Variants in ZMYM2 observed in about 807,000 individuals in gnomAD.
ZMYM2 encodes zinc finger MYM-type protein 2.
In ZMYM2, 56 loss-of-function variants were observed where a neutral mutation model predicts 162.8. The observed-to-expected ratio is 0.34, with a 90% confidence interval of 0.28 to 0.43. The LOEUF is 0.43. Among genes scored for constraint, ZMYM2 ranks in the 20% least tolerant of loss-of-function variants. ZMYM2 has a pLI of 1.00. For missense variants in ZMYM2, 1,275 were observed against 1,621.8 expected, an observed-to-expected ratio of 0.79 and a Z score of 3.67; for synonymous variants, 510 against 541.6, an observed-to-expected ratio of 0.94 and a Z score of 0.81.
chr13:20,061,223 C>T lies in ZMYM2; in HGVS notation c.2910C>T (p.Asn970=), dbSNP rs748593159. Residue 970 remains asparagine, a splice_region_variant and synonymous_variant, in exon 17 of 25, where the codon AAC becomes AAT. Coordinates refer to ENST00000610343, the MANE Select transcript of ZMYM2 (RefSeq NM_197968.4). ...GGAAAACAGAGACAACCAACATCAACAGTGAGCTACACTAAATTATACCTT... is the reference window on the plus strand; with the variant it reads ...GGAAAACAGAGACAACCAACATCAATAGTGAGCTACACTAAATTATACCTT... ...DEGKTETTNI[N]SVIIETDIIG... 1.6e-5 allele frequency: 26 copies of T among 1,613,162 alleles called. No homozygotes were observed. Among genetic ancestry groups the T allele is most frequent in the Non-Finnish European group, 2.2e-5 (26 of 1,179,624 alleles).
intron 12 of ZMYM2, among the ~76,000 whole-genome samples, chr13:20,050,146 A>ACAAC (rs1566397264): frequency 1.3e-5 from 2 of 151,932 alleles, no homozygotes; most frequent in African/African-American, 4.8e-5. Flanking sequence ...AAGAGTTGTG[A>ACAAC]TATTGCATCA....
chr13:20,012,737 A>G (rs954505169), intron 6 of ZMYM2, among the ~76,000 whole-genome samples: 9 of 152,160 alleles, frequency 5.9e-5, no homozygotes, highest in African/African-American at 1.9e-4. Flanking sequence ...TGAAGGGATT[A>G]TTCTTTCTCT....
intron 9 of ZMYM2, among the ~76,000 whole-genome samples, chr13:20,030,650 G>A (rs1356328526): frequency 2.0e-5 from 3 of 151,988 alleles, no homozygotes; most frequent in Admixed American, 1.3e-4. Flanking sequence ...CGCCCGCCTT[G>A]GCCTCCCAAA....
intron 2 of ZMYM2, among the ~76,000 whole-genome samples, chr13:19,975,864 G>A (rs888589811): frequency 4.1e-5 from 5 of 121,954 alleles, no homozygotes; most frequent in African/African-American, 2.0e-4. Context: ...TTTTTAAAAT[G>A]TATGTATGTA....
upstream of ZMYM2, among the ~76,000 whole-genome samples, chr13:19,957,145 TA>T (rs1038742890): frequency 2.6e-5 from 4 of 152,142 alleles, no homozygotes; most frequent in East Asian, 1.9e-4. Flanking sequence ...CTACTTGATT[TA>T]TTTTTTTTAA....
chr13:19,904,573 TTAA>T, the ZMYM2 span, among the ~76,000 whole-genome samples: 1 of 152,056 alleles, frequency 6.6e-6, no homozygotes, highest in Non-Finnish European at 1.5e-5. Flanking sequence ...AAAATTTTTT[TTAA>T]TAATAATAAT....
the ZMYM2 span, among the ~76,000 whole-genome samples, chr13:19,895,548 G>T: frequency 6.6e-6 from 1 of 151,852 alleles, no homozygotes; most frequent in Admixed American, 6.6e-5. Context: ...GAGGGAGCTA[G>T]CTCTGGTCTC....
At chr13:19,939,020 A>ATTT in the ZMYM2 span, among the ~76,000 whole-genome samples, 5 of 124,140 alleles carry the variant, frequency 4.0e-5, no homozygotes, top group Non-Finnish European at 8.2e-5. Context: ...CTTTGTTGTA[A>ATTT]TTTTTTTTTT....
the ZMYM2 span, among the ~76,000 whole-genome samples, chr13:19,925,953 A>T: frequency 1.3e-5 from 2 of 151,816 alleles, no homozygotes; most frequent in African/African-American, 4.8e-5. Context: ...AAATTTGTAG[A>T]AGATGAAAAT....
intron 12 of ZMYM2, among the ~76,000 whole-genome samples, chr13:20,039,817 G>A (rs1258736125): frequency 6.6e-6 from 1 of 152,116 alleles, no homozygotes; most frequent in Non-Finnish European, 1.5e-5. Context: ...TTTATTGAAA[G>A]CCTTTTCTGC....
At chr13:19,922,800 C>T in the ZMYM2 span, among the ~76,000 whole-genome samples, 1 of 152,016 alleles carries the variant, frequency 6.6e-6, no homozygotes, top group Admixed American at 6.6e-5. Flanking sequence ...GCCGAGATCC[C>T]ACCACTGCAC....
At chr13:19,935,119 T>A in the ZMYM2 span, among the ~76,000 whole-genome samples, 2 of 152,154 alleles carry the variant, frequency 1.3e-5, no homozygotes, top group South Asian at 4.1e-4. Context: ...GAAACTTGTA[T>A]GTCTGATATT....
the ZMYM2 span, among the ~76,000 whole-genome samples, chr13:19,918,063 C>CAAAAGA: frequency 6.6e-6 from 1 of 151,852 alleles, no homozygotes; most frequent in African/African-American, 2.4e-5. Context: ...TCTCAAAAAA[C>CAAAAGA]AAAAGAAAAA....
At chr13:19,909,588 A>G in the ZMYM2 span, among the ~76,000 whole-genome samples, 123 of 151,978 alleles carry the variant, frequency 8.1e-4, 1 homozygote, top group African/African-American at 2.8e-3. Context: ...ACGTGACACC[A>G]CACCTGGCTA....
intron 16 of ZMYM2, 131 bp from the exon 17 acceptor site, chr13:20,060,922 G>A (rs1004484933): frequency 4.8e-6 from 4 of 829,650 alleles, no homozygotes; most frequent in South Asian, 2.0e-5. Flanking sequence ...TCTTAGTTTT[G>A]TATGTGTTCT....
At chr13:20,052,416 T>G in intron 14 of ZMYM2, 105 bp downstream of exon 14, 1 of 1,083,680 alleles carries the variant, frequency 9.2e-7, no homozygotes, top group Non-Finnish European at 1.3e-6. Flanking sequence ...TTTTGGTTTT[T>G]TTTTTGCTTT....
intron 12 of ZMYM2, among the ~76,000 whole-genome samples, chr13:20,049,228 AT>A (rs57983924): frequency 0.046 from 7,050 of 151,882 alleles, 471 homozygotes; most frequent in African/African-American, 0.15. Flanking sequence ...ACATTTGTAA[AT>A]TGGTATTAAT....
chr13:19,938,686 T>C, the ZMYM2 span, among the ~76,000 whole-genome samples: 1 of 151,650 alleles, frequency 6.6e-6, no homozygotes, highest in Non-Finnish European at 1.5e-5. Flanking sequence ...ATGAAGAAAC[T>C]GAAATGTTAG....
chr13:19,906,631 A>G, the ZMYM2 span, among the ~76,000 whole-genome samples: 1,219 of 151,810 alleles, frequency 8.0e-3, 14 homozygotes, highest in African/African-American at 0.028. Flanking sequence ...ACTGTGGTGC[A>G]GTGGCATGAT....
Sources: allele counts gnomAD v4.1 joint callset (sites outside exome capture counted in the v4.1 genomes callset), GRCh38; gene constraint gnomAD v4.1.1; transcripts MANE v1.5; gene names NCBI Gene and HGNC (gene_info 2026-07-23, HGNC 2026-07-21).